The following ITGB6 variants were observed in gnomAD, a reference collection of about 807,000 sequenced individuals.
ITGB6 encodes integrin beta-6.
ITGB6 carries 80 observed loss-of-function variants against 84.5 expected under a neutral mutation model. The ratio of observed to expected loss-of-function variants is 0.95; its 90% CI spans 0.79 to 1.14. The LOEUF is 1.14. Ranked by LOEUF, ITGB6 falls within the 50% of genes most tolerant of loss-of-function variation. The probability of loss-of-function intolerance (pLI) is 0.00; values close to 1 mark genes in which losing one functional copy is unlikely to be tolerated. For synonymous variants in ITGB6, 383 were observed against 354.9 expected (o/e 1.08, Z -0.89); for missense variants, 1,006 against 968.0 (o/e 1.04, Z -0.52).
intron 10 of ITGB6, among the ~76,000 whole-genome samples, chr2:160,127,539 C>T (rs1174513339): frequency 6.6e-6 from 1 of 152,190 alleles, no homozygotes. Flanking sequence ...TCTTATGTCT[C>T]CCTAAAATGC....
At chr2:160,129,644 GA>G in intron 10 of ITGB6, among the ~76,000 whole-genome samples, 1 of 152,152 alleles carries the variant, frequency 6.6e-6, no homozygotes, top group East Asian at 1.9e-4. Flanking sequence ...AGTAGATGTA[GA>G]AAAAAATCAC....
At chr2:160,191,153 G>A (rs558569476) in intron 4 of ITGB6, among the ~76,000 whole-genome samples, 1 of 152,274 alleles carries the variant, frequency 6.6e-6, no homozygotes, top group South Asian at 2.1e-4. Context: ...CCCTTCACAA[G>A]TGAATCAAGC....
chr2:160,126,629 C>T (rs773796962), intron 10 of ITGB6, 28 bp from the exon 11 acceptor site: 2 of 1,596,498 alleles, frequency 1.3e-6, no homozygotes, highest in Non-Finnish European at 1.7e-6. Flanking sequence ...CTATGCTTCT[C>T]ACAGCCCCAA....
At chr2:160,148,742 C>T (rs1197486849) in intron 7 of ITGB6, among the ~76,000 whole-genome samples, 1 of 152,216 alleles carries the variant, frequency 6.6e-6, no homozygotes, top group Admixed American at 6.5e-5. Context: ...GACATTCACA[C>T]ACAAATACTG....
intron 8 of ITGB6, among the ~76,000 whole-genome samples, chr2:160,138,889 T>C (rs561807391): frequency 6.6e-6 from 1 of 152,324 alleles, no homozygotes; most frequent in South Asian, 2.1e-4. Flanking sequence ...CTCTAATGAA[T>C]TGAAGTGAGT....
intron 7 of ITGB6, among the ~76,000 whole-genome samples, chr2:160,165,721 A>G (rs1258052941): frequency 6.6e-6 from 1 of 152,206 alleles, no homozygotes; most frequent in Non-Finnish European, 1.5e-5. Flanking sequence ...TCAGGTGGGT[A>G]CTTGCTCAGG....
At chr2:160,125,059 T>C (rs1174374997) in intron 11 of ITGB6, among the ~76,000 whole-genome samples, 1 of 152,186 alleles carries the variant, frequency 6.6e-6, no homozygotes, top group African/African-American at 2.4e-5. Flanking sequence ...TAGAGTTCCA[T>C]AGCACTCTCT....
At chr2:160,128,374 A>G (rs934928569) in intron 10 of ITGB6, among the ~76,000 whole-genome samples, 4 of 152,166 alleles carry the variant, frequency 2.6e-5, no homozygotes, top group Non-Finnish European at 1.5e-5. Context: ...CCAAAGTTGC[A>G]TATGGAGTGT....
At chr2:160,114,331 T>C (rs548171025) in intron 12 of ITGB6, among the ~76,000 whole-genome samples, 1 of 152,232 alleles carries the variant, frequency 6.6e-6, no homozygotes, top group African/African-American at 2.4e-5. Context: ...CTGTTGTTCA[T>C]AGAAAATGGA....
intron 5 of ITGB6, among the ~76,000 whole-genome samples, chr2:160,173,071 A>G (rs1166931933): frequency 1.3e-5 from 2 of 152,200 alleles, no homozygotes; most frequent in Non-Finnish European, 1.5e-5. Flanking sequence ...GAGGTCATAG[A>G]TGGTCCCAAA....
chr2:160,164,936 T>C (rs1684949450), intron 7 of ITGB6, among the ~76,000 whole-genome samples: 1 of 152,172 alleles, frequency 6.6e-6, no homozygotes, highest in Non-Finnish European at 1.5e-5. Context: ...GACATAAGGT[T>C]TATTTCCAAA....
At chr2:160,107,963 A>G in intron 13 of ITGB6, 118 bp from the exon 14 acceptor site, 1 of 834,356 alleles carries the variant, frequency 1.2e-6, no homozygotes, top group Non-Finnish European at 1.8e-6. Flanking sequence ...TATTGACACC[A>G]TTTTCGCCTT....
chr2:160,174,034 A>T lies in ITGB6; in HGVS notation c.699T>A (p.Ser233=). ...FNEIVKNQKI[S]ANIDTPEGGF... ...CACCTTCGGGTGTGTCAATATTAGCAGAAATTTTCTGATTCTTCACAATTT... is the reference window on the plus strand; with the variant it reads ...CACCTTCGGGTGTGTCAATATTAGCTGAAATTTTCTGATTCTTCACAATTT... Residue 233 remains serine, a synonymous_variant, in exon 5 of 15, where the codon TCT becomes TCA. Coordinates refer to ENST00000283249, the MANE Select transcript of ITGB6 (RefSeq NM_000888.5). 1 of 1,613,834 alleles carries T rather than the reference A, an allele frequency of 6.2e-7. No individual in the cohort carries two copies. Among genetic ancestry groups the T allele is most frequent in the Non-Finnish European group, 8.5e-7 (1 of 1,179,896 alleles).
chr2:160,121,354 A>G (rs1270510711), intron 12 of ITGB6, among the ~76,000 whole-genome samples: 1 of 152,256 alleles, frequency 6.6e-6, no homozygotes, highest in Non-Finnish European at 1.5e-5. Context: ...AAAGAAAACA[A>G]GAAACCTAGT....
At position 160,192,262 on chromosome 2, in the gene ITGB6, C is replaced by T. The variant is rs1407867045; in HGVS notation, c.593+3107G>A. On this transcript the variant is annotated intron_variant, in intron 4 of 14. Transcript: ENST00000283249. Reference sequence around the variant, plus strand: ...GGGGGTAGTGAGGCATTAGTGGTTACATGGGTATATGCAATGGATCAATGA... The same window carrying T: ...GGGGGTAGTGAGGCATTAGTGGTTATATGGGTATATGCAATGGATCAATGA... 3.9e-5 allele frequency among the ~76,000 whole-genome samples: 6 copies of T among 152,188 alleles called. No homozygotes were observed. In the Middle Eastern group the frequency reaches 0.01, roughly 259 times the overall value.
chr2:160,133,256 T>G (rs1683545605), intron 10 of ITGB6, among the ~76,000 whole-genome samples: 1 of 152,046 alleles, frequency 6.6e-6, no homozygotes, highest in Admixed American at 6.6e-5. Context: ...AGGCAGGGGT[T>G]GCAATCCTAG....
chr2:160,120,914 GAT>G, intron 12 of ITGB6, among the ~76,000 whole-genome samples: 1 of 135,592 alleles, frequency 7.4e-6, no homozygotes. Flanking sequence ...ACCGTTGTGG[GAT>G]GGGGGAGGGG....
chr2:160,118,524 A>G (rs1682883822), intron 12 of ITGB6, among the ~76,000 whole-genome samples: 1 of 152,044 alleles, frequency 6.6e-6, no homozygotes, highest in Admixed American at 6.6e-5. Context: ...TCAAAATAAT[A>G]AGAGCTATTT....
chr2:160,148,006 T>C (rs540797343), intron 7 of ITGB6, among the ~76,000 whole-genome samples: 27 of 152,318 alleles, frequency 1.8e-4, no homozygotes, highest in African/African-American at 4.1e-4. Flanking sequence ...CCGTGAAAGA[T>C]GATGTCAAAA....
Sources: allele counts gnomAD v4.1 joint callset (sites outside exome capture counted in the v4.1 genomes callset), GRCh38; gene constraint gnomAD v4.1.1; transcripts MANE v1.5; gene names NCBI Gene and HGNC (gene_info 2026-07-23, HGNC 2026-07-21).